CPVL: variants seen among roughly 807,000 people sequenced by gnomAD.
CPVL encodes probable serine carboxypeptidase CPVL.
A neutral mutation model predicts 63.7 loss-of-function variants in CPVL; 51 were observed. The ratio of observed to expected loss-of-function variants is 0.80; its 90% confidence interval spans 0.64 to 1.01. CPVL has a LOEUF of 1.01. CPVL is among the 50% of genes least tolerant of loss of function. CPVL has a pLI of 0.00. For missense variants in CPVL, 530 were observed against 573.1 expected, an observed-to-expected ratio of 0.92 and a Z score of 0.77; for synonymous variants, 195 against 206.0, an observed-to-expected ratio of 0.95 and a Z score of 0.46.
chr7:29,169,635 C>G lies in CPVL; in HGVS notation c.-11+11655G>C, dbSNP rs1003986390. The stretch of plus-strand genomic sequence containing the variant: ...TTTTCTACCTATTCTTCTTTGGCTT[C>G]TGCCTTTTCATGTCCTATGTATGGC... On this transcript the variant is annotated intron_variant, in intron 5 of 16. Coordinates refer to the CPVL transcript ENST00000409850. Among the ~76,000 whole-genome samples the G allele has an allele frequency of 5.3e-5, 8 of 152,076 alleles. No homozygotes were observed. In the East Asian group the frequency reaches 1.4e-3, roughly 26 times the overall value.
intron 5 of CPVL, among the ~76,000 whole-genome samples, chr7:29,154,324 A>G (rs245897): frequency 0.56 from 85,275 of 152,032 alleles, 24,763 homozygotes; most frequent in African/African-American, 0.72. Flanking sequence ...ATTCGTATGC[A>G]GTGAATCAGC....
upstream of CPVL, among the ~76,000 whole-genome samples, chr7:29,148,914 T>A (rs569987446): frequency 2.0e-5 from 3 of 152,176 alleles, no homozygotes; most frequent in Admixed American, 1.3e-4. Flanking sequence ...AGGGGAATCC[T>A]GTCAGAGGAG....
rs1584249841 is a variant in CPVL at position 29,096,204 on chromosome 7, T to A, written c.302A>T (p.Asp101Val). The A allele has an allele frequency of 6.2e-7, 1 of 1,613,846 alleles. No individual in the cohort carries two copies. Residue 101 changes from aspartate (D) to valine (V), a missense_variant, in exon 4 of 13, where the codon GAT (aspartate) becomes GTT (valine). Coordinates refer to ENST00000265394, the MANE Select transcript of CPVL (RefSeq NM_031311.5). ...CTGTAGCCAGAGAACTACTGGGGCA[T>A]CTTCTGGCTGTATCTAGAGGAAACA... Reference protein sequence around the residue: ...WFFPAQIQPEDAPVVLWLQGG... With the variant: ...WFFPAQIQPEVAPVVLWLQGG...
chr7:29,088,890 G>A (rs1785483887), intron 6 of CPVL, among the ~76,000 whole-genome samples: 1 of 152,146 alleles, frequency 6.6e-6, no homozygotes, highest in Non-Finnish European at 1.5e-5. Context: ...CAGGAGAATT[G>A]CTTGAACCTG....
In CPVL at chr7:29,144,065, T is replaced by C. The variant is rs147286085; in HGVS notation, c.-11+2364A>G. ...CCAGGAAAGTACAGTTCTTAGCTTT[T>C]TGCCCAGCTTACCTCTCTCACAAGT... On this transcript the variant is annotated intron_variant, in intron 1 of 12. Coordinates refer to ENST00000265394, the MANE Select transcript of CPVL (RefSeq NM_031311.5). 5.6e-3 allele frequency among the ~76,000 whole-genome samples: 850 copies of C among 152,374 alleles called. 8 individuals carry two copies. The highest frequency in any genetic ancestry group is 0.02 in the African/African-American group (815 of 41,590).
At chr7:29,193,587 G>T (rs1036345549) in intron 1 of CPVL, 1 of 152,064 alleles carries the variant, frequency 6.6e-6, no homozygotes, top group Non-Finnish European at 1.5e-5. Context: ...TGAAAGAACC[G>T]ATTAGCCCGC....
At chr7:29,170,693 G>C (rs573855422) in intron 5 of CPVL, among the ~76,000 whole-genome samples, 48 of 152,264 alleles carry the variant, frequency 3.2e-4, no homozygotes, top group African/African-American at 1.1e-3. Flanking sequence ...GTATTAGTCT[G>C]TTTTCACACT....
At chr7:29,165,240 A>T (rs1225319739) in intron 5 of CPVL, among the ~76,000 whole-genome samples, 1 of 152,134 alleles carries the variant, frequency 6.6e-6, no homozygotes, top group Non-Finnish European at 1.5e-5. Flanking sequence ...TTTGATATAA[A>T]GGTCTTGCAT....
chr7:29,030,463 C>A (rs1369273380), intron 12 of CPVL, 114 bp downstream of exon 12: 10 of 965,200 alleles, frequency 1.0e-5, no homozygotes, highest in South Asian at 3.2e-5. Flanking sequence ...AAGACACACA[C>A]TGGCTGTTGT....
At chr7:29,168,028 A>G (rs930016737) in intron 5 of CPVL, among the ~76,000 whole-genome samples, 12 of 152,196 alleles carry the variant, frequency 7.9e-5, no homozygotes, top group African/African-American at 2.2e-4. Context: ...TAAACTGGAC[A>G]TTTGTGTGAG....
chr7:29,021,957 T>A (rs968537774), intron 12 of CPVL, among the ~76,000 whole-genome samples: 1 of 152,182 alleles, frequency 6.6e-6, no homozygotes, highest in Non-Finnish European at 1.5e-5. Context: ...CTTTAGCTCA[T>A]GCAATGTCTT....
chr7:29,140,550 A>C (rs1262717815), intron 1 of CPVL, among the ~76,000 whole-genome samples: 1 of 152,212 alleles, frequency 6.6e-6, no homozygotes, highest in Non-Finnish European at 1.5e-5. Flanking sequence ...CACTACAAAT[A>C]AACACTGCAC....
chr7:29,066,071 G>C lies in CPVL; in HGVS notation c.915C>G (p.Phe305Leu). The C allele has an allele frequency of 1.2e-6, 2 of 1,608,654 alleles. No homozygotes were observed. Among genetic ancestry groups the C allele is most frequent in the African/African-American group, 2.7e-5 (2 of 74,810 alleles). The change falls in exon 10 of 13, where the codon TTC becomes TTG. Residue 305 changes from phenylalanine to leucine, a missense_variant. By Grantham distance (22) the Phe-to-Leu change is conservative. Transcript: ENST00000265394. ...AATTACTACATCCTGTAACATTCTG[G>C]AAGTAAGAAGGATCACTTGTTAAGT... Reference protein sequence around the residue: ...DGDLTSDPSYFQNVTGCSNYY... With the variant: ...DGDLTSDPSYLQNVTGCSNYY...
chr7:29,051,947 A>AAT (rs70977100), intron 11 of CPVL, among the ~76,000 whole-genome samples: 52,217 of 125,348 alleles, frequency 0.42, 11,170 homozygotes, highest in Non-Finnish European at 0.56. Context: ...TATATATATG[A>AAT]ATATATATAT....
intron 1 of CPVL, among the ~76,000 whole-genome samples, chr7:29,190,903 G>A (rs530609139): frequency 1.3e-5 from 2 of 151,826 alleles, no homozygotes; most frequent in East Asian, 3.9e-4. Context: ...ACAATACAGG[G>A]GCTGGGCAAA....
At chr7:29,149,083 A>C (rs1349008839), upstream of CPVL, among the ~76,000 whole-genome samples, 5 of 152,050 alleles carry the variant, frequency 3.3e-5, no homozygotes, top group African/African-American at 9.7e-5. Flanking sequence ...GGGTTAACTA[A>C]TACTGAGGTT....
chr7:29,141,699 G>A (rs1177343160), intron 1 of CPVL, among the ~76,000 whole-genome samples: 1 of 152,148 alleles, frequency 6.6e-6, no homozygotes, highest in East Asian at 1.9e-4. Context: ...GGCGGATCAT[G>A]AGGTCAGGAG....
upstream of CPVL, among the ~76,000 whole-genome samples, chr7:29,151,376 T>TTAA (rs1232485082): frequency 6.6e-6 from 1 of 152,114 alleles, no homozygotes; most frequent in Non-Finnish European, 1.5e-5. Context: ...TAGCAGCAGG[T>TTAA]GTTAAGGCTT....
chr7:29,001,778 G>C (rs1368579314), intron 12 of CPVL, among the ~76,000 whole-genome samples: 1 of 152,182 alleles, frequency 6.6e-6, no homozygotes, highest in African/African-American at 2.4e-5. Flanking sequence ...ATATTCTAGA[G>C]CAGTTAAAAC....
Sources: gnomAD v4.1 joint callset for allele counts (sites outside exome capture counted in the v4.1 genomes callset) on GRCh38, gnomAD v4.1.1 for gene constraint, MANE v1.5 for transcripts, NCBI Gene and HGNC (gene_info 2026-07-23, HGNC 2026-07-21) for gene names.